ATP8A2: variants seen among roughly 807,000 people sequenced by gnomAD.
The protein encoded by ATP8A2 is ATPase phospholipid transporting 8A2, also known as phospholipid-transporting ATPase IB.
ATP8A2 carries 100 observed loss-of-function variants against 165.6 expected under a neutral mutation model. The observed-to-expected ratio is 0.60, with a 90% CI of 0.51 to 0.71. The LOEUF is 0.71. Ranked by LOEUF, ATP8A2 falls within the 30% of genes least tolerant of loss-of-function variation. The pLI is 0.00. For synonymous variants in ATP8A2, 543 were observed against 548.8 expected (o/e 0.99, Z 0.15); for missense variants, 1,227 against 1,479.5 (o/e 0.83, Z 2.80).
At chr13:25,472,951 G>C (rs1426869597) in intron 2 of ATP8A2, among the ~76,000 whole-genome samples, 1 of 152,224 alleles carries the variant, frequency 6.6e-6, no homozygotes, top group Admixed American at 6.5e-5. Context: ...TGATACAGAG[G>C]AAGGGAGGGC....
intron 27 of ATP8A2, among the ~76,000 whole-genome samples, chr13:25,778,351 T>G (rs897813898): frequency 3.3e-5 from 5 of 152,192 alleles, no homozygotes; most frequent in African/African-American, 1.2e-4. Flanking sequence ...GCTTGTTGAG[T>G]GTGCCGCATA....
At chr13:25,553,648 G>C in intron 11 of ATP8A2, 145 bp from the exon 12 acceptor site, 1 of 753,374 alleles carries the variant, frequency 1.3e-6, no homozygotes, top group Non-Finnish European at 2.2e-6. Context: ...TGTGGGGCCT[G>C]TGTGCCTCCT....
At chr13:25,508,829 CA>C (rs2037132473) in intron 2 of ATP8A2, among the ~76,000 whole-genome samples, 1 of 152,240 alleles carries the variant, frequency 6.6e-6, no homozygotes, top group Non-Finnish European at 1.5e-5. Context: ...CCAATGTAGA[CA>C]TGGCCAATTA....
chr13:25,730,092 C>T (rs868351781), intron 25 of ATP8A2, among the ~76,000 whole-genome samples: 1 of 151,680 alleles, frequency 6.6e-6, no homozygotes, highest in Non-Finnish European at 1.5e-5. Context: ...GAGTTTGAGA[C>T]CAGCGTGAAC....
intron 25 of ATP8A2, among the ~76,000 whole-genome samples, chr13:25,718,034 G>A (rs192808104): frequency 6.6e-5 from 10 of 152,304 alleles, no homozygotes; most frequent in Non-Finnish European, 1.5e-4. Context: ...CAGATGGCAG[G>A]AAGGGTCTGG....
intron 2 of ATP8A2, among the ~76,000 whole-genome samples, chr13:25,511,793 C>T (rs1233660616): frequency 3.3e-5 from 5 of 151,756 alleles, no homozygotes; most frequent in East Asian, 1.9e-4. Flanking sequence ...GTGGGTACTT[C>T]GTGTACCCTT....
intron 27 of ATP8A2, among the ~76,000 whole-genome samples, chr13:25,792,009 C>T (rs373705090): frequency 6.6e-6 from 1 of 152,054 alleles, no homozygotes; most frequent in African/African-American, 2.4e-5. Context: ...TTTTGATGTA[C>T]CAGAACCTAA....
intron 27 of ATP8A2, among the ~76,000 whole-genome samples, chr13:25,786,599 T>C (rs964602774): frequency 1.4e-4 from 21 of 152,320 alleles, no homozygotes; most frequent in African/African-American, 5.1e-4. Context: ...ACATGAACTG[T>C]TAACTAGAAG....
At chr13:25,778,600 C>T (rs1438010402) in intron 27 of ATP8A2, among the ~76,000 whole-genome samples, 1 of 152,160 alleles carries the variant, frequency 6.6e-6, no homozygotes, top group Non-Finnish European at 1.5e-5. Flanking sequence ...CTGAAACATA[C>T]GTCTGATCAA....
chr13:25,906,434 AG>A (rs1953939246), intron 33 of ATP8A2, among the ~76,000 whole-genome samples: 1 of 152,060 alleles, frequency 6.6e-6, no homozygotes, highest in Non-Finnish European at 1.5e-5. Context: ...AACTCTACCC[AG>A]TCTTCAAGGG....
chr13:25,556,285 T>C (rs910255080), intron 13 of ATP8A2, among the ~76,000 whole-genome samples: 7 of 152,376 alleles, frequency 4.6e-5, no homozygotes, highest in South Asian at 2.1e-4. Flanking sequence ...TGTTGTTTTT[T>C]GACTTTTTAA....
intron 27 of ATP8A2, among the ~76,000 whole-genome samples, chr13:25,787,445 A>C (rs1248906657): frequency 6.6e-6 from 1 of 152,170 alleles, no homozygotes; most frequent in Non-Finnish European, 1.5e-5. Flanking sequence ...TTCACAGTTT[A>C]TTCATTCACC....
At chr13:25,989,473 ATAT>A (rs1956340583) in intron 35 of ATP8A2, among the ~76,000 whole-genome samples, 1 of 152,226 alleles carries the variant, frequency 6.6e-6, no homozygotes, top group African/African-American at 2.4e-5. Flanking sequence ...TGATTAAAAA[ATAT>A]TATTAGGTCT....
chr13:25,768,063 G>A (rs2044528884), intron 25 of ATP8A2, among the ~76,000 whole-genome samples: 1 of 135,158 alleles, frequency 7.4e-6, no homozygotes, highest in Non-Finnish European at 1.5e-5. Flanking sequence ...TTTATTCTGT[G>A]TGTGTGGTGG....
intron 24 of ATP8A2, among the ~76,000 whole-genome samples, chr13:25,666,614 T>A (rs1270060766): frequency 1.3e-5 from 2 of 152,232 alleles, no homozygotes; most frequent in African/African-American, 4.8e-5. Flanking sequence ...TTATGACAAT[T>A]ATCATTTGAT....
intron 2 of ATP8A2, among the ~76,000 whole-genome samples, chr13:25,506,618 C>T (rs1012096520): frequency 6.6e-6 from 1 of 152,178 alleles, no homozygotes; most frequent in Non-Finnish European, 1.5e-5. Flanking sequence ...CCCCACTTCC[C>T]GGATCGAGGT....
At chr13:25,804,489 AT>A (rs1185497239) in intron 27 of ATP8A2, among the ~76,000 whole-genome samples, 3 of 152,210 alleles carry the variant, frequency 2.0e-5, no homozygotes, top group Non-Finnish European at 2.9e-5. Flanking sequence ...AAGTATATTA[AT>A]CTAACAATTA....
chr13:25,691,053 A>G (rs964582951), intron 24 of ATP8A2, among the ~76,000 whole-genome samples: 2 of 152,232 alleles, frequency 1.3e-5, no homozygotes, highest in Admixed American at 6.5e-5. Flanking sequence ...TTAATATTAG[A>G]TGAATCTGAA....
intron 35 of ATP8A2, among the ~76,000 whole-genome samples, chr13:25,997,585 C>A (rs1217822896): frequency 6.6e-6 from 1 of 152,166 alleles, no homozygotes; most frequent in Non-Finnish European, 1.5e-5. Context: ...CTATTATATT[C>A]TTACAGGCTC....
Sources: gnomAD v4.1 joint callset for allele counts (sites outside exome capture counted in the v4.1 genomes callset) on GRCh38, gnomAD v4.1.1 for gene constraint, MANE v1.5 for transcripts, NCBI Gene and HGNC (gene_info 2026-07-23, HGNC 2026-07-21) for gene names.